The following INPP5D variants were observed in gnomAD, a reference collection of about 807,000 sequenced individuals.
INPP5D encodes phosphatidylinositol 3,4,5-trisphosphate 5-phosphatase 1.
INPP5D carries 33 observed loss-of-function variants against 122.9 expected under a neutral mutation model. That is an observed-to-expected ratio of 0.27 (90% confidence interval 0.20 to 0.36). The LOEUF (loss-of-function observed/expected upper bound fraction) is 0.36. INPP5D is among the 10% of genes least tolerant of loss of function. The pLI is 1.00. For missense variants in INPP5D, 1,053 were observed against 1,412.7 expected (o/e 0.75, Z 4.08); for synonymous variants, 584 against 576.2 (o/e 1.01, Z -0.19).
chr2:233,179,997 G>C (rs1694742863), intron 18 of INPP5D, among the ~76,000 whole-genome samples: 1 of 152,194 alleles, frequency 6.6e-6, no homozygotes, highest in African/African-American at 2.4e-5. Context: ...ACTCAGGCAG[G>C]AGCCCATCAG....
At chr2:233,062,702 G>T (rs772606121) in intron 1 of INPP5D, among the ~76,000 whole-genome samples, 1 of 152,062 alleles carries the variant, frequency 6.6e-6, no homozygotes, top group African/African-American at 2.4e-5. Context: ...CCCACCCCTT[G>T]GCCAGACAAA....
Position 233,120,950 on chromosome 2 carries a change from A to C in INPP5D, c.199-1157A>C, listed in dbSNP as rs80226516. Among the ~76,000 whole-genome samples the C allele has an allele frequency of 1.0e-2, 1,523 of 152,332 alleles. 23 individuals are homozygous for C. Among genetic ancestry groups the C allele is most frequent in the African/African-American group, 0.035 (1,451 of 41,580 alleles). On this transcript the variant is annotated intron_variant, in intron 2 of 26. Coordinates refer to ENST00000445964, the MANE Select transcript of INPP5D (RefSeq NM_001017915.3). Reference sequence around the variant, plus strand: ...AAATAAAAGCAAAACAATTGCTGGAATTGATTTTTTCCTGTGTTTTTTTTA... The same window carrying C: ...AAATAAAAGCAAAACAATTGCTGGACTTGATTTTTTCCTGTGTTTTTTTTA...
chr2:233,109,176 T>C (rs1386818066), intron 2 of INPP5D, among the ~76,000 whole-genome samples: 3 of 152,206 alleles, frequency 2.0e-5, no homozygotes, highest in Admixed American at 2.0e-4. Flanking sequence ...AGCTTTGCCA[T>C]GCCAATGCAC....
chr2:233,133,587 T>C (rs1019084725), intron 5 of INPP5D, among the ~76,000 whole-genome samples: 3 of 152,224 alleles, frequency 2.0e-5, no homozygotes, highest in South Asian at 4.1e-4. Flanking sequence ...GTATATACCA[T>C]GTAATATTGG....
chr2:233,079,990 C>T (rs565099990), intron 2 of INPP5D, among the ~76,000 whole-genome samples: 59 of 152,252 alleles, frequency 3.9e-4, no homozygotes, highest in African/African-American at 1.3e-3. Context: ...AGTGCAGTGG[C>T]GCCATGTCGG....
At chr2:233,184,636 C>G (rs779790148) in intron 20 of INPP5D, 115 bp downstream of exon 20, 4 of 1,425,182 alleles carry the variant, frequency 2.8e-6, no homozygotes, top group Non-Finnish European at 3.8e-6. Context: ...ACTCACGAAG[C>G]TGATCAGAGA....
At position 233,185,510 on chromosome 2, in the gene INPP5D, C is replaced by A. The variant is rs949427378; in HGVS notation, c.2276-333C>A. Among the ~76,000 whole-genome samples, 7 of 151,722 alleles carry A rather than the reference C, an allele frequency of 4.6e-5. 1 individual carries two copies. Among genetic ancestry groups the A allele is most frequent in the African/African-American group, 1.7e-4 (7 of 41,280 alleles). Reference sequence around the variant, plus strand: ...GGCTGCTATCTTGAGTGGCGTGGGACGAGCTGTCAAGTTTCCTAATCTTTT... The same window carrying A: ...GGCTGCTATCTTGAGTGGCGTGGGAAGAGCTGTCAAGTTTCCTAATCTTTT... On this transcript the variant is annotated intron_variant, in intron 20 of 26. Coordinates refer to ENST00000445964, the MANE Select transcript of INPP5D (RefSeq NM_001017915.3).
Position 233,078,541 on chromosome 2 carries a change from G to A in INPP5D, c.135-794G>A, listed in dbSNP as rs778440907. 2.3e-4 allele frequency among the ~76,000 whole-genome samples: 35 copies of A among 152,216 alleles called. No individual in the cohort carries two copies. Among genetic ancestry groups the A allele is most frequent in the Admixed American group, 1.3e-4 (2 of 15,286 alleles). On this transcript the variant is annotated intron_variant, in intron 1 of 26. Coordinates refer to ENST00000445964, the MANE Select transcript of INPP5D (RefSeq NM_001017915.3). This position sits in a 1 kb window ranked among gnomAD's most constrained non-coding sequence, Gnocchi z 4.6. The stretch of plus-strand genomic sequence containing the variant: ...GGGTGGCAGGGAGCTCAGCGGGAAC[G>A]AGGTGCTGAGTGATCCCTGCCCCTG...
intron 5 of INPP5D, among the ~76,000 whole-genome samples, chr2:233,132,570 C>A (rs570822554): frequency 1.3e-4 from 20 of 152,276 alleles, no homozygotes; most frequent in Non-Finnish European, 1.5e-4. Flanking sequence ...GGCTTGGAGA[C>A]TTGATCAGCC....
intron 17 of INPP5D, among the ~76,000 whole-genome samples, chr2:233,176,011 G>T (rs1694615230): frequency 6.6e-6 from 1 of 152,120 alleles, no homozygotes; most frequent in African/African-American, 2.4e-5. Context: ...AAAGAAAATT[G>T]GTAAAAGGAA....
intron 9 of INPP5D, among the ~76,000 whole-genome samples, chr2:233,150,201 C>T (rs1481109105): frequency 6.6e-6 from 1 of 152,200 alleles, no homozygotes; most frequent in African/African-American, 2.4e-5. Context: ...CCCCACTTGT[C>T]ATGGGAAGGA....
intron 18 of INPP5D, among the ~76,000 whole-genome samples, chr2:233,181,126 A>T (rs1694773335): frequency 6.6e-6 from 1 of 151,840 alleles, no homozygotes; most frequent in African/African-American, 2.4e-5. Flanking sequence ...CCCCACTCCC[A>T]TCCTTCTCTC....
At chr2:233,117,359 C>A (rs1315048654) in intron 2 of INPP5D, among the ~76,000 whole-genome samples, 1 of 152,190 alleles carries the variant, frequency 6.6e-6, no homozygotes, top group South Asian at 2.1e-4. Flanking sequence ...ATGGCCTTCA[C>A]GTGCTGAGCA....
At chr2:233,139,733 T>A in intron 5 of INPP5D, 109 bp from the exon 6 acceptor site, 1 of 393,652 alleles carries the variant, frequency 2.5e-6, no homozygotes, top group Non-Finnish European at 4.5e-6. Context: ...AATTACCTGC[T>A]TCTGCTGGAC....
At chr2:233,123,680 C>A (rs1010556486) in intron 3 of INPP5D, among the ~76,000 whole-genome samples, 4 of 152,174 alleles carry the variant, frequency 2.6e-5, no homozygotes, top group Admixed American at 6.5e-5. Context: ...ATGTTCATTG[C>A]AGCACTATTT....
chr2:233,176,450 T>C, intron 17 of INPP5D, among the ~76,000 whole-genome samples: 2 of 144,404 alleles, frequency 1.4e-5, no homozygotes, highest in African/African-American at 5.2e-5. Flanking sequence ...GATGGATGGG[T>C]GGATAGGTGG....
chr2:233,073,517 G>A (rs894065567), intron 1 of INPP5D, among the ~76,000 whole-genome samples: 2 of 151,886 alleles, frequency 1.3e-5, no homozygotes, highest in African/African-American at 2.4e-5. Context: ...GCGGGTGCCT[G>A]TAATCCCAGC....
chr2:233,145,137 A>G (rs943877519), intron 6 of INPP5D: 3 of 438,774 alleles, frequency 6.8e-6, no homozygotes, highest in Non-Finnish European at 1.4e-5. Flanking sequence ...TTAACTCTAC[A>G]TTTCCACACC....
chr2:233,137,252 A>C (rs1202038608), intron 5 of INPP5D, among the ~76,000 whole-genome samples: 1 of 152,186 alleles, frequency 6.6e-6, no homozygotes, highest in African/African-American at 2.4e-5. Context: ...ATGAGTCAAC[A>C]AAAAGAAAGC....
Sources: allele counts gnomAD v4.1 joint callset (sites outside exome capture counted in the v4.1 genomes callset), GRCh38; gene constraint gnomAD v4.1.1; non-coding constraint Gnocchi (gnomAD v3.1); transcripts MANE v1.5; gene names NCBI Gene and HGNC (gene_info 2026-07-23, HGNC 2026-07-21).